The following USP28 variants were observed in gnomAD, a reference collection of about 807,000 sequenced individuals.
The protein encoded by USP28 is ubiquitin specific peptidase 28.
Under a neutral mutation model 145.0 loss-of-function variants are expected in USP28, and 113 were observed. The observed-to-expected ratio is 0.78, with a 90% CI of 0.67 to 0.91. The LOEUF is 0.91. Among genes scored for constraint, USP28 ranks in the 40% least tolerant of loss-of-function variants. The pLI, the probability that USP28 is intolerant of heterozygous loss-of-function variation, is 0.00. For missense variants in USP28, 1,201 were observed against 1,289.6 expected, an observed-to-expected ratio of 0.93 and a Z score of 1.05; for synonymous variants, 447 against 450.9, an observed-to-expected ratio of 0.99 and a Z score of 0.11.
At chr11:113,831,262 A>G (rs1943953809) in intron 8 of USP28, among the ~76,000 whole-genome samples, 1 of 152,254 alleles carries the variant, frequency 6.6e-6, no homozygotes, top group Non-Finnish European at 1.5e-5. Context: ...ATAGATGTAT[A>G]CAAGGTATAG....
intron 14 of USP28, among the ~76,000 whole-genome samples, chr11:113,814,531 G>C (rs1183093635): frequency 6.6e-6 from 1 of 152,134 alleles, no homozygotes; most frequent in African/African-American, 2.4e-5. Flanking sequence ...CTGAAGAGTA[G>C]AAGTCCAGAA....
chr11:113,819,202 T>C (rs1294910292), intron 12 of USP28, among the ~76,000 whole-genome samples: 1 of 151,654 alleles, frequency 6.6e-6, no homozygotes, highest in Non-Finnish European at 1.5e-5. Flanking sequence ...AACCTCTGCC[T>C]CCTGGGTTCA....
At chr11:113,823,573 C>A (rs759981417) in intron 12 of USP28, 32 bp downstream of exon 12, 1 of 1,423,896 alleles carries the variant, frequency 7.0e-7, no homozygotes, top group Non-Finnish European at 9.7e-7. Context: ...TATTCTTTTA[C>A]ATTTCTAAGC....
chr11:113,812,523 A>G lies in USP28; in HGVS notation c.1744-19T>C. 6.2e-7 allele frequency: 1 copy of G among 1,607,124 alleles called. No homozygotes were observed. Among genetic ancestry groups the G allele is most frequent in the Non-Finnish European group, 8.5e-7 (1 of 1,175,742 alleles). On this transcript the variant is annotated intron_variant, in intron 15 of 24. Transcript: ENST00000003302. ...AAGGCACCTGTAAGTCAGAATGTAC[A>G]TTCCCCAGTCAGGTGAAGCAAAGTA...
At chr11:113,832,819 G>A (rs914091943) in intron 7 of USP28, among the ~76,000 whole-genome samples, 1 of 152,084 alleles carries the variant, frequency 6.6e-6, no homozygotes, top group African/African-American at 2.4e-5. Flanking sequence ...CACCCAGGCT[G>A]GAGTACAGTA....
At chr11:113,802,626 G>T (rs1005382819) in intron 23 of USP28, among the ~76,000 whole-genome samples, 2 of 152,160 alleles carry the variant, frequency 1.3e-5, no homozygotes, top group Non-Finnish European at 2.9e-5. Context: ...GAGAGAGTTA[G>T]TCTTCACTAG....
intron 16 of USP28, 62 bp from the exon 17 acceptor site, chr11:113,809,316 A>C (rs1940577494): frequency 1.3e-6 from 2 of 1,497,760 alleles, no homozygotes; most frequent in Admixed American, 3.9e-5. Flanking sequence ...TTTTTAGAAA[A>C]GAAGAAAGCA....
At chr11:113,824,952 AT>A (rs1934012696) in intron 11 of USP28, among the ~76,000 whole-genome samples, 15 of 120,690 alleles carry the variant, frequency 1.2e-4, no homozygotes, top group African/African-American at 4.0e-4. Context: ...AAAAAAAAAG[AT>A]GTCAATTTTC....
At chr11:113,828,191 A>C (rs756915466) in intron 10 of USP28, among the ~76,000 whole-genome samples, 2 of 152,238 alleles carry the variant, frequency 1.3e-5, no homozygotes, top group African/African-American at 4.8e-5. Context: ...CAGCATAATG[A>C]GGTGAATTCA....
exon 25 of USP28, chr11:113,799,166 A>G: frequency 1.3e-6 from 2 of 1,491,984 alleles, no homozygotes; most frequent in Non-Finnish European, 1.8e-6. Context: ...TCCCAAGGTG[A>G]GCACTATGAC....
At chr11:113,873,809 G>C (rs2137285207) in intron 1 of USP28, among the ~76,000 whole-genome samples, 1 of 152,272 alleles carries the variant, frequency 6.6e-6, no homozygotes, top group South Asian at 2.1e-4. Flanking sequence ...TCGTTTCGGA[G>C]CCCAGGACCT....
chr11:113,824,853 C>T (rs1591270015), intron 11 of USP28, among the ~76,000 whole-genome samples: 1 of 151,344 alleles, frequency 6.6e-6, no homozygotes, highest in East Asian at 2.0e-4. Context: ...ATCATTTGAA[C>T]CCGGGAGGCA....
chr11:113,830,809 C>T, intron 9 of USP28, 58 bp downstream of exon 9: 1 of 1,527,808 alleles, frequency 6.5e-7, no homozygotes, highest in Non-Finnish European at 9.0e-7. Context: ...CTCAAAGGGA[C>T]ACAGTAATAA....
At chr11:113,854,159 T>C (rs1193064698) in intron 2 of USP28, 99 bp downstream of exon 2, 6 of 1,088,966 alleles carry the variant, frequency 5.5e-6, no homozygotes, top group Admixed American at 2.2e-5. Context: ...TGTCCCTATA[T>C]GTGCTTTAAT....
In USP28 at chr11:113,805,404, T is replaced by C. The variant is rs906378159; in HGVS notation, c.2401-358A>G. Among the ~76,000 whole-genome samples the C allele has an allele frequency of 2.6e-5, 4 of 151,978 alleles. No individual in the cohort carries two copies. In the South Asian group the frequency reaches 6.2e-4, roughly 24 times the overall value. On this transcript the variant is annotated intron_variant, in intron 19 of 24. Coordinates refer to ENST00000003302, the Ensembl canonical transcript of USP28. ...CCAAGTAGCTGGGACTACAGGCATA[T>C]ACCACCATGCCCAGTTAATTTTTGT...
At chr11:113,809,296 G>T (rs2513581) in intron 16 of USP28, 42 bp from the exon 17 acceptor site, 3 of 1,575,408 alleles carry the variant, frequency 1.9e-6, no homozygotes, top group African/African-American at 2.7e-5. Context: ...CACAAGGAAC[G>T]AAAACATCCT....
chr11:113,839,924 G>A (rs1013045001), intron 5 of USP28, among the ~76,000 whole-genome samples: 1 of 152,102 alleles, frequency 6.6e-6, no homozygotes, highest in African/African-American at 2.4e-5. Context: ...GGAGAGGCAG[G>A]AGAATTGCTT....
chr11:113,831,103 T>C (rs1943935233), intron 8 of USP28, 160 bp from the exon 9 acceptor site: 2 of 641,460 alleles, frequency 3.1e-6, no homozygotes, highest in South Asian at 4.0e-5. Context: ...TTCAAATATT[T>C]ATTGAACACC....
At chr11:113,842,259 A>T (rs912881910) in intron 3 of USP28, among the ~76,000 whole-genome samples, 2 of 151,638 alleles carry the variant, frequency 1.3e-5, no homozygotes, top group Admixed American at 1.3e-4. Context: ...TAGCAAATAG[A>T]ACCCAATAAT....
Sources: allele counts gnomAD v4.1 joint callset (sites outside exome capture counted in the v4.1 genomes callset), GRCh38; gene constraint gnomAD v4.1.1; transcripts MANE v1.5; gene names NCBI Gene and HGNC (gene_info 2026-07-23, HGNC 2026-07-21).